Variants in RFT1 observed in about 807,000 individuals in gnomAD.
RFT1 encodes the protein man(5)GlcNAc(2)-PP-dolichol translocation protein RFT1.
In RFT1, 43 loss-of-function variants were observed where a neutral mutation model predicts 62.2. That is an observed-to-expected ratio of 0.69 (90% confidence interval 0.54 to 0.89). The LOEUF is 0.89. Among genes scored for constraint, RFT1 ranks in the 40% least tolerant of loss-of-function variants. RFT1 has a pLI of 0.00. For synonymous variants in RFT1, 262 were observed against 264.6 expected, an observed-to-expected ratio of 0.99 and a Z score of 0.10; for missense variants, 605 against 649.9, an observed-to-expected ratio of 0.93 and a Z score of 0.75.
intron 6 of RFT1, among the ~76,000 whole-genome samples, chr3:53,116,530 G>A (rs1185388710): frequency 2.6e-5 from 4 of 151,836 alleles, no homozygotes; most frequent in African/African-American, 9.7e-5. Context: ...CTGGGCTCAA[G>A]CAATCCTCCC....
At chr3:53,101,559 T>C (rs1270069163) in intron 10 of RFT1, among the ~76,000 whole-genome samples, 1 of 152,178 alleles carries the variant, frequency 6.6e-6, no homozygotes, top group African/African-American at 2.4e-5. Context: ...CAACCTTCGA[T>C]TGTAGACTGA....
intron 11 of RFT1, among the ~76,000 whole-genome samples, chr3:53,097,341 A>G (rs984628956): frequency 6.6e-6 from 1 of 152,164 alleles, no homozygotes; most frequent in Non-Finnish European, 1.5e-5. Context: ...AACTGGAACT[A>G]TTGTGTTTTA....
chr3:53,106,667 C>T lies in RFT1; in HGVS notation c.826+152G>A, dbSNP rs551715829. The T allele has an allele frequency of 3.0e-4, 204 of 680,214 alleles. 1 individual carries two copies. The Middle Eastern group carries it at 9.1e-3, about 30-fold the overall frequency. The allele number at this position is 680,214 out of a possible 1,614,324, so 42.1% of individuals were successfully genotyped here. ...CTGACACCAAAGTCATGTTGGAGGG[C>T]ATAGTCAGTACAAAGACCTACAATT... On this transcript the variant is annotated intron_variant, in intron 8 of 12. Transcript: ENST00000296292.
At chr3:53,099,200 C>G (rs536700146) in intron 11 of RFT1, among the ~76,000 whole-genome samples, 181 bp downstream of exon 11, 3 of 152,294 alleles carry the variant, frequency 2.0e-5, no homozygotes, top group Admixed American at 6.5e-5. Flanking sequence ...CAGTGGGGAG[C>G]ACTTGCTGAA....
At chr3:53,111,215 C>T (rs546898213) in intron 7 of RFT1, among the ~76,000 whole-genome samples, 1 of 152,170 alleles carries the variant, frequency 6.6e-6, no homozygotes, top group South Asian at 2.1e-4. Flanking sequence ...ACCATCCTGG[C>T]TAACACGGTG....
rs750717791 is a variant in RFT1 at position 53,092,048 on chromosome 3, C to A, written c.1481G>T (p.Gly494Val). The change falls in exon 13 of 13, where the codon GGC becomes GTC. Residue 494 changes from glycine to valine, a missense_variant. Gly to Val is a moderately radical substitution (Grantham distance 109). Transcript: ENST00000296292. ...VSEVFLCCEQGWPARLAHIAV... is the reference protein window; with the variant it reads ...VSEVFLCCEQVWPARLAHIAV... ...AATGTGTGCCAGTCTGGCTGGCCAG[C>A]CCTGCTCACAGCAGAGGAATACCTG... 2 of 1,614,126 alleles carry A rather than the reference C, an allele frequency of 1.2e-6. No individual in the cohort carries two copies. The highest frequency in any genetic ancestry group is 1.7e-5 in the Admixed American group (1 of 60,010).
chr3:53,103,030 A>G, intron 10 of RFT1: 1 of 867,410 alleles, frequency 1.2e-6, no homozygotes, highest in Non-Finnish European at 1.4e-6. Flanking sequence ...TTCTCACAGC[A>G]CAAGCCCCAG....
At chr3:53,103,653 G>C in intron 10 of RFT1, 1 of 405,474 alleles carries the variant, frequency 2.5e-6, no homozygotes, top group South Asian at 2.1e-5. Context: ...AGGGAGCACA[G>C]GGAAGCGCTT....
At chr3:53,099,535 A>T in intron 10 of RFT1, 49 bp from the exon 11 acceptor site, 1 of 1,435,774 alleles carries the variant, frequency 7.0e-7, no homozygotes, top group Non-Finnish European at 9.8e-7. Flanking sequence ...CAGAAGGCCC[A>T]CATGTACCCT....
the RFT1 span, among the ~76,000 whole-genome samples, chr3:53,068,591 C>T: frequency 3.5e-4 from 54 of 152,254 alleles, no homozygotes; most frequent in Non-Finnish European, 6.0e-4. Flanking sequence ...CAGGGTTAGA[C>T]ATTTTCCAAC....
intron 5 of RFT1, 114 bp from the exon 6 acceptor site, chr3:53,120,135 C>T (rs1259939323): frequency 1.3e-5 from 11 of 852,836 alleles, no homozygotes; most frequent in Non-Finnish European, 1.6e-5. Context: ...ACTTTCTATT[C>T]AGCAATGCCT....
At position 53,105,817 on chromosome 3, in the gene RFT1, A is replaced by G. The variant is rs571722733; in HGVS notation, c.827-14T>C. 203 of 1,608,692 alleles carry G rather than the reference A, an allele frequency of 1.3e-4. No homozygotes were observed. Among genetic ancestry groups the G allele is most frequent in the East Asian group, 1.1e-3 (47 of 44,724 alleles). On this transcript the variant is annotated splice_polypyrimidine_tract_variant and intron_variant, in intron 8 of 12. Transcript: ENST00000296292. ...TATCATACACACCTACAAAACAAAA[A>G]AGAAGAAACAACAATCATGTTGGTT...
chr3:53,071,180 TA>T, the RFT1 span, among the ~76,000 whole-genome samples: 2 of 152,142 alleles, frequency 1.3e-5, no homozygotes, highest in Middle Eastern at 3.4e-3. Flanking sequence ...ACACCCAGCC[TA>T]AAAATTTTTT....
At position 53,099,501 on chromosome 3, in the gene RFT1, C is replaced by T. The variant is rs1328029107; in HGVS notation, c.1103-15G>A. ...CAAAACAGGACCTACAAGGAAACAA[C>T]TCACTGAGACTCCAGAGCCCAATCA... On this transcript the variant is annotated splice_polypyrimidine_tract_variant and intron_variant, in intron 10 of 12. Transcript: ENST00000296292. 6.2e-7 allele frequency: 1 copy of T among 1,605,648 alleles called. No homozygotes were observed. Among genetic ancestry groups the T allele is most frequent in the South Asian group, 1.1e-5 (1 of 90,864 alleles).
At chr3:53,099,809 G>A (rs575647172) in intron 10 of RFT1, among the ~76,000 whole-genome samples, 2 of 152,288 alleles carry the variant, frequency 1.3e-5, no homozygotes, top group South Asian at 2.1e-4. Flanking sequence ...GCAACATGAT[G>A]AAACCCCGTG....
At chr3:53,077,484 C>A in the RFT1 span, among the ~76,000 whole-genome samples, 10 of 152,244 alleles carry the variant, frequency 6.6e-5, no homozygotes, top group Admixed American at 1.3e-4. Context: ...AGCCACTAGC[C>A]CACAGAGGCC....
chr3:53,074,653 G>C, the RFT1 span, among the ~76,000 whole-genome samples: 4 of 152,206 alleles, frequency 2.6e-5, no homozygotes, highest in Non-Finnish European at 5.9e-5. Flanking sequence ...CTTCATTCTT[G>C]GTGGGAAGAA....
At chr3:53,070,891 G>A in the RFT1 span, among the ~76,000 whole-genome samples, 2 of 149,436 alleles carry the variant, frequency 1.3e-5, no homozygotes, top group African/African-American at 4.9e-5. Flanking sequence ...ATGCCACCAC[G>A]CCTGGCTAAT....
chr3:53,106,024 G>A (rs572900679), intron 8 of RFT1, among the ~76,000 whole-genome samples: 9 of 152,148 alleles, frequency 5.9e-5, no homozygotes, highest in Non-Finnish European at 1.0e-4. Context: ...CTTGAGCCAG[G>A]GAGTTTGAGA....
Sources: allele counts gnomAD v4.1 joint callset (sites outside exome capture counted in the v4.1 genomes callset), GRCh38; gene constraint gnomAD v4.1.1; transcripts MANE v1.5; gene names NCBI Gene and HGNC (gene_info 2026-07-23, HGNC 2026-07-21).